SLC44A1: variants seen among roughly 807,000 people sequenced by gnomAD.
SLC44A1 encodes the protein choline transporter-like protein 1.
A neutral mutation model predicts 79.3 loss-of-function variants in SLC44A1; 26 were observed. The observed-to-expected ratio is 0.33, with a 90% CI of 0.24 to 0.46. SLC44A1 has a LOEUF of 0.46. Among genes scored for constraint, SLC44A1 ranks in the 20% least tolerant of loss-of-function variants. The pLI is 1.00. For synonymous variants in SLC44A1, 263 were observed against 286.2 expected, an observed-to-expected ratio of 0.92 and a Z score of 0.82; for missense variants, 688 against 798.1, an observed-to-expected ratio of 0.86 and a Z score of 1.66.
chr9:105,249,508 A>G (rs886360927), intron 1 of SLC44A1, among the ~76,000 whole-genome samples: 2 of 151,076 alleles, frequency 1.3e-5, no homozygotes, highest in Non-Finnish European at 1.5e-5. Context: ...AAATTGGAAA[A>G]TAATGTAGAA....
chr9:105,260,892 T>TGA (rs1343432757), intron 1 of SLC44A1, among the ~76,000 whole-genome samples: 1 of 152,122 alleles, frequency 6.6e-6, no homozygotes, highest in Non-Finnish European at 1.5e-5. Context: ...GAGAAAGAAT[T>TGA]GAGGATAGGG....
rs1828838556 is a variant in SLC44A1 at position 105,394,548 on chromosome 9, T to G, written c.*5492T>G. On this transcript the variant is annotated 3_prime_UTR_variant, in exon 16 of 16. Transcript: ENST00000374720. The stretch of plus-strand genomic sequence containing the variant: ...TATCCAAGAAGAAATAAATAGGGAA[T>G]CCTTGTAATTAATCCATCTACCAAA... The G allele has an allele frequency of 1.0e-6, 1 of 984,548 alleles. No individual in the cohort carries two copies. The highest frequency in any genetic ancestry group is 4.7e-5 in the South Asian group (1 of 21,252). The allele number at this position is 984,548 out of a possible 1,614,324, so 61.0% of individuals were successfully genotyped here.
rs750031160 is a variant in SLC44A1, at chr9:105,389,877, T to G, written c.*821T>G. Reference sequence around the variant, plus strand: ...GCTGGGGCACCCAGCGAGTTTAGCCTTTAAGTTTCTGTGTATTGATTTGCA... The same window carrying G: ...GCTGGGGCACCCAGCGAGTTTAGCCGTTAAGTTTCTGTGTATTGATTTGCA... On this transcript the variant is annotated 3_prime_UTR_variant, in exon 16 of 16. Transcript: ENST00000374720. 2.7e-6 allele frequency: 4 copies of G among 1,506,462 alleles called. No individual in the cohort carries two copies. Among genetic ancestry groups the G allele is most frequent in the Non-Finnish European group, 3.5e-6 (4 of 1,127,630 alleles). 93.3% of individuals were successfully genotyped at this position (1,506,462 alleles called of 1,614,324 possible).
At position 105,395,203 on chromosome 9, in the gene SLC44A1, T is replaced by C; in HGVS notation, c.*6147T>C. 1 of 984,834 alleles carries C rather than the reference T, an allele frequency of 1.0e-6. No individual in the cohort carries two copies. The highest frequency in any genetic ancestry group is 4.7e-5 in the South Asian group (1 of 21,256). The allele number at this position is 984,834 out of a possible 1,614,324, so 61.0% of individuals were successfully genotyped here. On this transcript the variant is annotated 3_prime_UTR_variant, in exon 16 of 16. Transcript: ENST00000374720. ...CCCACCCCACACTCCTAGAAAAGTTTGGGGGTTTTTTTTGTTTGTTTTTGG... is the reference window on the plus strand; with the variant it reads ...CCCACCCCACACTCCTAGAAAAGTTCGGGGGTTTTTTTTGTTTGTTTTTGG...
At chr9:105,266,240 T>C (rs563420395) in intron 1 of SLC44A1, among the ~76,000 whole-genome samples, 46 of 152,300 alleles carry the variant, frequency 3.0e-4, no homozygotes, top group African/African-American at 1.0e-3. Context: ...GTGCTGAGAT[T>C]ACAAGTGTGA....
chr9:105,436,276 C>A (rs1829463065), intron 15 of SLC44A1, among the ~76,000 whole-genome samples: 1 of 152,200 alleles, frequency 6.6e-6, no homozygotes, highest in Non-Finnish European at 1.5e-5. Context: ...AGACAAATCA[C>A]AACTTTGGCA....
chr9:105,387,370 A>T (rs543886164), intron 15 of SLC44A1, among the ~76,000 whole-genome samples: 1 of 152,156 alleles, frequency 6.6e-6, no homozygotes, highest in Admixed American at 6.6e-5. Flanking sequence ...TCACCTAGAC[A>T]TGATTGCTTG....
intron 3 of SLC44A1, among the ~76,000 whole-genome samples, chr9:105,314,009 C>T (rs1831252027): frequency 1.3e-5 from 2 of 152,180 alleles, no homozygotes; most frequent in South Asian, 4.2e-4. Flanking sequence ...GGCAATCTGT[C>T]CACCTCGACC....
At chr9:105,399,543 A>T (rs1564052235), downstream of SLC44A1, among the ~76,000 whole-genome samples, 1 of 152,178 alleles carries the variant, frequency 6.6e-6, no homozygotes, top group Non-Finnish European at 1.5e-5. Context: ...TGAGAAAAGG[A>T]GATTAGCTAT....
intron 15 of SLC44A1, among the ~76,000 whole-genome samples, chr9:105,415,064 G>A (rs1043768655): frequency 6.6e-6 from 1 of 152,188 alleles, no homozygotes; most frequent in African/African-American, 2.4e-5. Flanking sequence ...CCAAGCCTGA[G>A]ATAGGAGGAT....
At chr9:105,340,038 G>A (rs1484573118) in intron 4 of SLC44A1, among the ~76,000 whole-genome samples, 1 of 152,122 alleles carries the variant, frequency 6.6e-6, no homozygotes, top group Admixed American at 6.5e-5. Context: ...AGGAACTGAA[G>A]GAGAGGGAAA....
rs989902236 is a variant in SLC44A1, at chr9:105,392,947, C to G, written c.*3891C>G. ...AAGTAAGTTCTTTACTGCTTTTCTA[C>G]TGCTACTTTAAAAAAAAAACAACAA... On this transcript the variant is annotated 3_prime_UTR_variant, in exon 16 of 16. Coordinates refer to ENST00000374720, the MANE Select transcript of SLC44A1 (RefSeq NM_080546.5). 6.1e-6 allele frequency: 6 copies of G among 984,138 alleles called. No homozygotes were observed. The East Asian group carries it at 6.8e-4, about 111-fold the overall frequency. 61.0% of individuals were successfully genotyped at this position (984,138 alleles called of 1,614,324 possible).
chr9:105,298,389 G>A (rs1012114785), intron 1 of SLC44A1, among the ~76,000 whole-genome samples: 1 of 152,030 alleles, frequency 6.6e-6, no homozygotes, highest in African/African-American at 2.4e-5. Flanking sequence ...TTTTGCTCTT[G>A]TTGCCCAGGC....
Position 105,391,306 on chromosome 9 carries a change from C to T in SLC44A1, c.*2250C>T. On this transcript the variant is annotated 3_prime_UTR_variant, in exon 16 of 16. Coordinates refer to ENST00000374720, the MANE Select transcript of SLC44A1 (RefSeq NM_080546.5). ...TTCTAATTATCATTTGCAACTAGAA[C>T]TGTAATCAGAAAGAAATTTTGTATT... The T allele has an allele frequency of 5.1e-6, 5 of 985,724 alleles. No individual in the cohort carries two copies. Among genetic ancestry groups the T allele is most frequent in the Non-Finnish European group, 4.8e-6 (4 of 829,810 alleles). The allele number at this position is 985,724 out of a possible 1,614,324, so 61.1% of individuals were successfully genotyped here. A position where few individuals can be genotyped will look rare whatever the true frequency, so the allele number is the denominator to read the frequency against.
intron 1 of SLC44A1, among the ~76,000 whole-genome samples, chr9:105,257,764 TC>T (rs1564400085): frequency 1.3e-5 from 2 of 152,134 alleles, no homozygotes. Context: ...GGAGAGGAAT[TC>T]CAGTGTAAAG....
At chr9:105,410,638 T>G (rs1829082973) in intron 15 of SLC44A1, among the ~76,000 whole-genome samples, 2 of 152,172 alleles carry the variant, frequency 1.3e-5, no homozygotes, top group African/African-American at 4.8e-5. Context: ...GGAAAACAGT[T>G]TGGCAGTTTC....
chr9:105,392,156 G>A lies in SLC44A1; in HGVS notation c.*3100G>A. On this transcript the variant is annotated 3_prime_UTR_variant, in exon 16 of 16. Transcript: ENST00000374720. The stretch of plus-strand genomic sequence containing the variant: ...ACTGAGATTGTATAATCCTTGCATG[G>A]ATGAGCAGAGCTCAAAGCCAGTTGT... 1 of 985,250 alleles carries A rather than the reference G, an allele frequency of 1.0e-6. No homozygotes were observed. The highest frequency in any genetic ancestry group is 1.2e-6 in the Non-Finnish European group (1 of 829,760). 61.0% of individuals were successfully genotyped at this position (985,250 alleles called of 1,614,324 possible).
chr9:105,373,831 G>T (rs1369807473), intron 12 of SLC44A1, among the ~76,000 whole-genome samples: 1 of 152,124 alleles, frequency 6.6e-6, no homozygotes, highest in Admixed American at 6.5e-5. Context: ...GAGAAAGAAA[G>T]CCTTTTTTTC....
intron 6 of SLC44A1, 79 bp from the exon 7 acceptor site, chr9:105,358,265 G>C: frequency 1.2e-6 from 1 of 808,670 alleles, no homozygotes. Context: ...GGGGAAAAAA[G>C]CAACCATTTA....
Sources: gnomAD v4.1 joint callset for allele counts (sites outside exome capture counted in the v4.1 genomes callset) on GRCh38, gnomAD v4.1.1 for gene constraint, MANE v1.5 for transcripts, NCBI Gene and HGNC (gene_info 2026-07-23, HGNC 2026-07-21) for gene names.